Variants in MKLN1 observed in about 807,000 individuals in gnomAD.
The protein encoded by MKLN1 is muskelin.
A neutral mutation model predicts 99.0 loss-of-function variants in MKLN1; 18 were observed. The observed-to-expected ratio is 0.18, with a 90% CI of 0.13 to 0.27. MKLN1 has a LOEUF of 0.27. Among genes scored for constraint, MKLN1 ranks in the 10% least tolerant of loss-of-function variants. The probability of loss-of-function intolerance (pLI) is 1.00; values close to 1 mark genes in which losing one functional copy is unlikely to be tolerated. For synonymous variants in MKLN1, 288 were observed against 293.2 expected, an observed-to-expected ratio of 0.98 and a Z score of 0.18; for missense variants, 621 against 875.9, an observed-to-expected ratio of 0.71 and a Z score of 3.67.
At chr7:131,306,625 G>T (rs191363314) in intron 3 of MKLN1, among the ~76,000 whole-genome samples, 4 of 152,108 alleles carry the variant, frequency 2.6e-5, no homozygotes, top group Non-Finnish European at 4.4e-5. Flanking sequence ...AAGGTATCTA[G>T]CAGAAGAAAT....
intron 1 of MKLN1, among the ~76,000 whole-genome samples, chr7:131,344,652 T>C (rs1706632234): frequency 1.3e-5 from 2 of 152,238 alleles, no homozygotes; most frequent in African/African-American, 2.4e-5. Context: ...AGAACTTGCC[T>C]GTGGCTTATG....
chr7:131,242,650 G>A, intron 3 of MKLN1: 1 of 576,350 alleles, frequency 1.7e-6, no homozygotes, highest in East Asian at 3.7e-5. Context: ...TGCTATTCTG[G>A]ATGCAAAGCC....
intron 2 of MKLN1, among the ~76,000 whole-genome samples, chr7:131,180,772 T>C (rs576872951): frequency 3.7e-4 from 56 of 152,282 alleles, no homozygotes; most frequent in African/African-American, 1.3e-3. Flanking sequence ...ATTTCTTTCT[T>C]AAAATTATTA....
In MKLN1 at chr7:131,487,501, C is replaced by G. The variant is rs1797314601; in HGVS notation, c.2087-106C>G. ...CAGTAGTGTCTGCCTGGTTTTGAAG[C>G]CTGATTTGATTTCTCCATTATAAAA... On this transcript the variant is annotated intron_variant, in intron 17 of 17. Coordinates refer to ENST00000352689, the MANE Select transcript of MKLN1 (RefSeq NM_013255.5). The surrounding 1 kb of genome is among the most constrained non-coding windows in gnomAD (Gnocchi z 4.7). 7.7e-7 allele frequency: 1 copy of G among 1,290,794 alleles called. No individual in the cohort carries two copies. Among genetic ancestry groups the G allele is most frequent in the African/African-American group, 1.5e-5 (1 of 67,168 alleles). 80.0% of individuals were successfully genotyped at this position (1,290,794 alleles called of 1,614,324 possible). A position where few individuals can be genotyped will look rare whatever the true frequency, so the allele number is the denominator to read the frequency against.
chr7:131,175,622 C>G (rs930886732), intron 2 of MKLN1, among the ~76,000 whole-genome samples: 2 of 152,208 alleles, frequency 1.3e-5, no homozygotes, highest in Admixed American at 1.3e-4. Flanking sequence ...TACAAATAGG[C>G]CGGGCCCAGT....
intron 8 of MKLN1, among the ~76,000 whole-genome samples, chr7:131,421,860 A>G (rs751708122): frequency 2.4e-4 from 37 of 152,174 alleles, no homozygotes; most frequent in Admixed American, 4.6e-4. Context: ...TAAAAAACCA[A>G]TGTTATTTTG....
At chr7:131,371,765 C>CAT (rs149627807) in intron 1 of MKLN1, among the ~76,000 whole-genome samples, 55,883 of 147,548 alleles carry the variant, frequency 0.38, 10,536 homozygotes, top group East Asian at 0.45. Context: ...ACATATATAA[C>CAT]ATATATATAT....
At chr7:131,399,187 A>G in intron 5 of MKLN1, 54 bp from the exon 6 acceptor site, 1 of 1,448,098 alleles carries the variant, frequency 6.9e-7, no homozygotes, top group Non-Finnish European at 9.7e-7. Context: ...ATTGTTTCCT[A>G]CAGTATCATC....
chr7:131,142,960 G>A (rs1795758936), intron 2 of MKLN1: 1 of 1,304,206 alleles, frequency 7.7e-7, no homozygotes, highest in African/African-American at 1.5e-5. Flanking sequence ...TGATGTTTTA[G>A]TTTTTTCTTT....
chr7:131,216,944 ACCC>A (rs566876566), intron 3 of MKLN1, among the ~76,000 whole-genome samples: 1,607 of 152,164 alleles, frequency 0.011, 31 homozygotes, highest in African/African-American at 0.038. Flanking sequence ...AACTGAGGAG[ACCC>A]CCTATTGAGT....
chr7:131,292,455 C>T (rs745791761), intron 3 of MKLN1, among the ~76,000 whole-genome samples: 9 of 152,170 alleles, frequency 5.9e-5, no homozygotes, highest in Non-Finnish European at 8.8e-5. Context: ...CCTAGCACCC[C>T]AGAATGTGCC....
chr7:131,400,553 A>G (rs930937194), intron 6 of MKLN1, among the ~76,000 whole-genome samples: 21 of 144,752 alleles, frequency 1.5e-4, no homozygotes, highest in African/African-American at 5.5e-4. Flanking sequence ...CATTTCTAGG[A>G]GTGAATTCTG....
intron 1 of MKLN1, among the ~76,000 whole-genome samples, chr7:131,134,024 T>C (rs1395690086): frequency 6.6e-6 from 1 of 151,484 alleles, no homozygotes; most frequent in Non-Finnish European, 1.5e-5. Context: ...GAGACGGGGT[T>C]TCACCATGTT....
At position 131,307,751 on chromosome 7, in the gene MKLN1, T is replaced by C. The variant is rs7805023; in HGVS notation, c.-178-67673T>C. Among the ~76,000 whole-genome samples, 424 of 152,298 alleles carry C rather than the reference T, an allele frequency of 2.8e-3. 4 individuals carry two copies. The highest frequency in any genetic ancestry group is 9.6e-3 in the African/African-American group (398 of 41,548). ...CTATTGTATCTTGGAAGTAACTAAC[T>C]TGTTTTTTTATTTTACAGGCTCCTA... On this transcript the variant is annotated intron_variant, in intron 3 of 7. Transcript: ENST00000416992.
At chr7:131,428,593 T>C (rs374352005) in intron 8 of MKLN1, among the ~76,000 whole-genome samples, 4 of 152,338 alleles carry the variant, frequency 2.6e-5, no homozygotes, top group East Asian at 3.9e-4. Flanking sequence ...GGTTTTATTT[T>C]TTAGAATCTG....
chr7:131,124,392 A>G (rs1423959153), intron 1 of MKLN1, among the ~76,000 whole-genome samples: 4 of 152,204 alleles, frequency 2.6e-5, no homozygotes, highest in Non-Finnish European at 5.9e-5. Flanking sequence ...ACATTGTCAC[A>G]GGAGCATACA....
At chr7:131,430,245 G>C (rs759294467) in intron 9 of MKLN1, among the ~76,000 whole-genome samples, 2 of 151,884 alleles carry the variant, frequency 1.3e-5, no homozygotes, top group African/African-American at 2.4e-5. Flanking sequence ...TAATCCTGGG[G>C]AACTAGGTTC....
At chr7:131,333,903 T>C (rs879535225) in intron 1 of MKLN1, among the ~76,000 whole-genome samples, 25 of 152,200 alleles carry the variant, frequency 1.6e-4, no homozygotes, top group Admixed American at 1.4e-3. Context: ...TATCAGTTTA[T>C]TTTCCTTCTA....
At chr7:131,347,665 A>T (rs1338236583) in intron 1 of MKLN1, among the ~76,000 whole-genome samples, 6 of 152,138 alleles carry the variant, frequency 3.9e-5, no homozygotes, top group African/African-American at 1.4e-4. Context: ...ATAAATCCAT[A>T]ATTGGCTCGT....
Sources: allele counts gnomAD v4.1 joint callset (sites outside exome capture counted in the v4.1 genomes callset), GRCh38; gene constraint gnomAD v4.1.1; non-coding constraint Gnocchi (gnomAD v3.1); transcripts MANE v1.5; gene names NCBI Gene and HGNC (gene_info 2026-07-23, HGNC 2026-07-21).